Variants in PRKAR2A observed in about 807,000 individuals in gnomAD.
PRKAR2A encodes cAMP-dependent protein kinase type II-alpha regulatory subunit.
Under a neutral mutation model 51.9 loss-of-function variants are expected in PRKAR2A, and 29 were observed. That is an observed-to-expected ratio of 0.56 (90% CI 0.42 to 0.76). PRKAR2A has a LOEUF of 0.76. Ranked by LOEUF, PRKAR2A falls within the 30% of genes least tolerant of loss-of-function variation. The pLI, the probability that PRKAR2A is intolerant of heterozygous loss-of-function variation, is 0.00. For missense variants in PRKAR2A, 445 were observed against 512.1 expected (o/e 0.87, Z 1.26); for synonymous variants, 178 against 186.2 (o/e 0.96, Z 0.36).
At chr3:48,791,142 C>T (rs891682875) in intron 3 of PRKAR2A, among the ~76,000 whole-genome samples, 3 of 151,798 alleles carry the variant, frequency 2.0e-5, no homozygotes, top group African/African-American at 7.3e-5. Context: ...GAAAAATTAG[C>T]TGGGCATGGT....
rs941354970 is a variant in PRKAR2A, at chr3:48,747,982, G to A, written c.*3603C>T. On this transcript the variant is annotated 3_prime_UTR_variant, in exon 11 of 11. Coordinates refer to ENST00000265563, the MANE Select transcript of PRKAR2A (RefSeq NM_004157.4). ...AACGCTGTCAGGTCCTGGCACCGTG[G>A]TAATGGCTATATCCTATTTCACTCA... 4.6e-5 allele frequency: 7 copies of A among 152,214 alleles called. No homozygotes were observed. The highest frequency in any genetic ancestry group is 4.6e-4 in the Admixed American group (7 of 15,280). The allele number at this position is 152,214 out of a possible 1,614,324, so 9.4% of individuals were successfully genotyped here. A position where few individuals can be genotyped will look rare whatever the true frequency, so the allele number is the denominator to read the frequency against.
At chr3:48,779,568 G>A (rs980778957) in intron 5 of PRKAR2A, among the ~76,000 whole-genome samples, 1 of 151,114 alleles carries the variant, frequency 6.6e-6, no homozygotes, top group Admixed American at 6.6e-5. Context: ...ATTGCTTGAG[G>A]TCAGGAGTTC....
At chr3:48,838,147 C>T (rs1309927321) in intron 1 of PRKAR2A, among the ~76,000 whole-genome samples, 1 of 151,948 alleles carries the variant, frequency 6.6e-6, no homozygotes, top group Non-Finnish European at 1.5e-5. Flanking sequence ...CACTGCACTC[C>T]AGCCTGGGCG....
At chr3:48,809,518 C>T (rs2082735276) in intron 1 of PRKAR2A, among the ~76,000 whole-genome samples, 1 of 133,430 alleles carries the variant, frequency 7.5e-6, no homozygotes, top group Non-Finnish European at 1.5e-5. Context: ...ATCACTTGAA[C>T]TTGGGAGGCA....
intron 4 of PRKAR2A, among the ~76,000 whole-genome samples, chr3:48,785,834 CACA>C (rs2082282637): frequency 3.3e-5 from 5 of 152,088 alleles, no homozygotes; most frequent in Admixed American, 3.3e-4. Context: ...TAAACTTGCA[CACA>C]AGAGAAAAAG....
Position 48,831,679 on chromosome 3 carries a change from C to T in PRKAR2A, c.262+15656G>A, listed in dbSNP as rs575455119. Among the ~76,000 whole-genome samples the T allele has an allele frequency of 6.6e-5, 10 of 151,964 alleles. No individual in the cohort carries two copies. The East Asian group carries it at 1.9e-3, about 30-fold the overall frequency. On this transcript the variant is annotated intron_variant, in intron 1 of 10. Transcript: ENST00000265563. ...TTGTCCAGGCTGGAGTGCAGTAGCTCAATCTTGGCTCACTGCAACCTTCAC... is the reference window on the plus strand; with the variant it reads ...TTGTCCAGGCTGGAGTGCAGTAGCTTAATCTTGGCTCACTGCAACCTTCAC...
chr3:48,781,239 G>C (rs2082192215), intron 5 of PRKAR2A, among the ~76,000 whole-genome samples: 1 of 150,234 alleles, frequency 6.7e-6, no homozygotes, highest in South Asian at 2.1e-4. Flanking sequence ...ACCCACCTCA[G>C]CCTCCCAAAA....
intron 6 of PRKAR2A, among the ~76,000 whole-genome samples, chr3:48,767,931 A>AC (rs1316406038): frequency 1.3e-5 from 2 of 151,602 alleles, no homozygotes; most frequent in African/African-American, 4.8e-5. Flanking sequence ...CTCAAAAAAA[A>AC]AAACAAACAA....
intron 1 of PRKAR2A, among the ~76,000 whole-genome samples, chr3:48,829,871 A>ATTTTT (rs763726926): frequency 3.6e-4 from 32 of 87,724 alleles, no homozygotes; most frequent in African/African-American, 1.7e-3. Context: ...ATATATATAT[A>ATTTTT]TTTTTTTTTT....
chr3:48,794,065 A>T lies in PRKAR2A; in HGVS notation c.299-16T>A. ...TCAGCACAGACTAAAATTGGAGAGA[A>T]AAAAACAAAAAGAATGAATTTAACA... On this transcript the variant is annotated splice_polypyrimidine_tract_variant and intron_variant, in intron 2 of 10. Transcript: ENST00000265563. 6.3e-7 allele frequency: 1 copy of T among 1,576,068 alleles called. No homozygotes were observed. Among genetic ancestry groups the T allele is most frequent in the Non-Finnish European group, 8.7e-7 (1 of 1,150,370 alleles).
chr3:48,846,408 G>C (rs918879977), intron 1 of PRKAR2A, among the ~76,000 whole-genome samples: 4 of 151,424 alleles, frequency 2.6e-5, no homozygotes, highest in Non-Finnish European at 4.4e-5. Context: ...GTAGAGACGG[G>C]GTTTCGCCAT....
rs768594824 is a variant in PRKAR2A at position 48,765,186 on chromosome 3, C to T, written c.798+62G>A. ...ATAGTATGATTTGAAAACCTAACAA[C>T]AGAATAGTTTTAAAAGCTTTTCCTG... is the stretch of plus-strand genomic sequence containing the variant. On this transcript the variant is annotated intron_variant, in intron 7 of 10. Coordinates refer to ENST00000265563, the MANE Select transcript of PRKAR2A (RefSeq NM_004157.4). 6.1e-5 allele frequency: 94 copies of T among 1,548,104 alleles called. No individual in the cohort carries two copies. In the African/African-American group the frequency reaches 6.6e-4, roughly 11 times the overall value.
At chr3:48,771,633 G>C (rs1341350298) in intron 6 of PRKAR2A, among the ~76,000 whole-genome samples, 1 of 152,002 alleles carries the variant, frequency 6.6e-6, no homozygotes, top group African/African-American at 2.4e-5. Context: ...ATGCTGCCCA[G>C]GTAGGTCTCA....
chr3:48,747,092 G>T lies in PRKAR2A; in HGVS notation c.*4493C>A, dbSNP rs1482778862. ...TAAAGTATAAAGATAGCCCTGCAGT[G>T]TGTAAAAGGAAACCTATGGGAAGGC... On this transcript the variant is annotated 3_prime_UTR_variant, in exon 11 of 11. Coordinates refer to ENST00000265563, the MANE Select transcript of PRKAR2A (RefSeq NM_004157.4). The T allele has an allele frequency of 7.4e-6, 1 of 134,324 alleles. No homozygotes were observed. Among genetic ancestry groups the T allele is most frequent in the Admixed American group, 8.3e-5 (1 of 12,024 alleles). 8.3% of individuals were successfully genotyped at this position (134,324 alleles called of 1,614,324 possible).
chr3:48,812,234 GA>G (rs886318674), intron 1 of PRKAR2A, among the ~76,000 whole-genome samples: 8 of 151,900 alleles, frequency 5.3e-5, no homozygotes, highest in African/African-American at 1.9e-4. Context: ...AAATAAGCAG[GA>G]AAAAACTAGG....
In PRKAR2A at chr3:48,748,339, G is replaced by A. The variant is rs1323290609; in HGVS notation, c.*3246C>T. 7.4e-6 allele frequency: 1 copy of A among 135,016 alleles called. No homozygotes were observed. The highest frequency in any genetic ancestry group is 7.9e-5 in the Admixed American group (1 of 12,706). 8.4% of individuals were successfully genotyped at this position (135,016 alleles called of 1,614,324 possible). On this transcript the variant is annotated 3_prime_UTR_variant, in exon 11 of 11. Coordinates refer to ENST00000265563, the MANE Select transcript of PRKAR2A (RefSeq NM_004157.4). Reference sequence around the variant, plus strand: ...GGTAGAGACAGGGTCTCCCTCTGTTGCCCAGGATGGTTTGGAACTCCTGGG... The same window carrying A: ...GGTAGAGACAGGGTCTCCCTCTGTTACCCAGGATGGTTTGGAACTCCTGGG...
intron 1 of PRKAR2A, among the ~76,000 whole-genome samples, chr3:48,817,284 G>A (rs920633611): frequency 6.7e-6 from 1 of 148,346 alleles, no homozygotes; most frequent in Non-Finnish European, 1.5e-5. Context: ...CCGAGATTGC[G>A]CCACCATACT....
intron 2 of PRKAR2A, among the ~76,000 whole-genome samples, chr3:48,800,592 T>G (rs1273091092): frequency 6.6e-6 from 1 of 152,050 alleles, no homozygotes; most frequent in Admixed American, 6.6e-5. Flanking sequence ...TTTAAGGAAT[T>G]CATGAACTCT....
chr3:48,755,330 GT>G lies in PRKAR2A; in HGVS notation c.939+1048del, dbSNP rs200182150. ...CTTTTACTCAATATATTTTGCTAAA[GT>G]TTTCATATTAACTCGACTTAGTATT... is the stretch of plus-strand genomic sequence containing the variant. On this transcript the variant is annotated intron_variant, in intron 9 of 10. Transcript: ENST00000265563. 7.5e-3 allele frequency among the ~76,000 whole-genome samples: 1,143 copies of G among 151,862 alleles called. 10 individuals are homozygous for G. Among genetic ancestry groups the G allele is most frequent in the African/African-American group, 0.026 (1,092 of 41,402 alleles).
Sources: allele counts gnomAD v4.1 joint callset (sites outside exome capture counted in the v4.1 genomes callset), GRCh38; gene constraint gnomAD v4.1.1; transcripts MANE v1.5; gene names NCBI Gene and HGNC (gene_info 2026-07-23, HGNC 2026-07-21).